Variants in AFF3 observed in about 807,000 individuals in gnomAD.
The protein encoded by AFF3 is ALF transcription elongation factor 3, also known as AF4/FMR2 family member 3.
A neutral mutation model predicts 129.7 loss-of-function variants in AFF3; 32 were observed. The ratio of observed to expected loss-of-function variants is 0.25; its 90% CI spans 0.19 to 0.33. The LOEUF is 0.33. AFF3 is among the 10% of genes least tolerant of loss of function. AFF3 has a pLI of 1.00. For missense variants in AFF3, 1,373 were observed against 1,592.0 expected, an observed-to-expected ratio of 0.86 and a Z score of 2.34; for synonymous variants, 644 against 635.4, an observed-to-expected ratio of 1.01 and a Z score of -0.20.
At chr2:99,914,048 G>A (rs1695285282) in intron 7 of AFF3, among the ~76,000 whole-genome samples, 2 of 152,126 alleles carry the variant, frequency 1.3e-5, no homozygotes, top group Admixed American at 6.5e-5. Context: ...TAAAAGTAAT[G>A]TCTGAGAGCT....
chr2:99,816,527 T>C (rs1687246940), intron 8 of AFF3, among the ~76,000 whole-genome samples: 1 of 152,154 alleles, frequency 6.6e-6, no homozygotes, highest in Non-Finnish European at 1.5e-5. Flanking sequence ...AGGTTTCTGT[T>C]AATGTGGTCA....
chr2:99,789,847 T>C lies in AFF3; in HGVS notation c.922-37546A>G, dbSNP rs115367018. Reference sequence around the variant, plus strand: ...GTGGCATAAGCGCAAGCTCTGCAAATTAAAAGATGGCTACAAAATGATCTT... The same window carrying C: ...GTGGCATAAGCGCAAGCTCTGCAAACTAAAAGATGGCTACAAAATGATCTT... On this transcript the variant is annotated intron_variant, in intron 8 of 24. Transcript: ENST00000672756. Among the ~76,000 whole-genome samples, 616 of 152,292 alleles carry C rather than the reference T, an allele frequency of 4.0e-3. 5 individuals are homozygous for C. The highest frequency in any genetic ancestry group is 0.014 in the African/African-American group (576 of 41,560).
At chr2:100,029,675 A>G (rs12996621) in intron 4 of AFF3, among the ~76,000 whole-genome samples, 23,201 of 152,170 alleles carry the variant, frequency 0.15, 2,054 homozygotes, top group East Asian at 0.29. Context: ...GGAAAACAGC[A>G]TTTGTTGTTT....
intron 7 of AFF3, among the ~76,000 whole-genome samples, chr2:99,890,133 A>G (rs1693439243): frequency 6.6e-6 from 1 of 152,202 alleles, no homozygotes; most frequent in Non-Finnish European, 1.5e-5. Context: ...TGAATTTGGT[A>G]CATGTACCAG....
chr2:100,120,833 T>C (rs1009946633), intron 2 of AFF3, among the ~76,000 whole-genome samples: 11 of 152,076 alleles, frequency 7.2e-5, no homozygotes, highest in African/African-American at 2.4e-4. Flanking sequence ...GATGGGAGTC[T>C]CCCTATGTTG....
intron 8 of AFF3, among the ~76,000 whole-genome samples, chr2:99,810,128 T>A (rs954072637): frequency 3.3e-5 from 5 of 152,206 alleles, no homozygotes; most frequent in African/African-American, 1.2e-4. Flanking sequence ...GGACCAGTGA[T>A]TTTTACTCAG....
At chr2:99,660,149 C>A (rs1434385096) in intron 12 of AFF3, among the ~76,000 whole-genome samples, 1 of 152,178 alleles carries the variant, frequency 6.6e-6, no homozygotes, top group African/African-American at 2.4e-5. Flanking sequence ...CAATATGATG[C>A]TTTGGTAGAG....
chr2:99,753,336 G>A (rs1681825082), intron 8 of AFF3, among the ~76,000 whole-genome samples: 1 of 152,136 alleles, frequency 6.6e-6, no homozygotes, highest in South Asian at 2.1e-4. Context: ...CTGACCTCGG[G>A]TGACCCGCCC....
chr2:99,903,949 A>G (rs1301291923), intron 7 of AFF3, among the ~76,000 whole-genome samples: 1 of 152,202 alleles, frequency 6.6e-6, no homozygotes, highest in African/African-American at 2.4e-5. Flanking sequence ...AGAGAATTTA[A>G]TAACATCTCA....
intron 11 of AFF3, chr2:99,707,440 T>G: frequency 1.0e-6 from 1 of 985,376 alleles, no homozygotes; most frequent in African/African-American, 1.7e-5. Context: ...ATCAGATAAT[T>G]TTTTTGCATT....
At chr2:99,734,253 A>G (rs1447738275) in intron 10 of AFF3, among the ~76,000 whole-genome samples, 1 of 152,022 alleles carries the variant, frequency 6.6e-6, no homozygotes, top group Non-Finnish European at 1.5e-5. Context: ...TTGTGTATAC[A>G]GCAATCTTGC....
intron 7 of AFF3, among the ~76,000 whole-genome samples, chr2:99,885,519 C>T (rs1288648518): frequency 2.0e-5 from 3 of 152,134 alleles, no homozygotes; most frequent in Admixed American, 6.5e-5. Context: ...TTTTCTTGTT[C>T]CTACTTTCAA....
At chr2:99,839,527 T>C (rs2105804009) in intron 7 of AFF3, among the ~76,000 whole-genome samples, 1 of 152,314 alleles carries the variant, frequency 6.6e-6, no homozygotes, top group Middle Eastern at 3.4e-3. Flanking sequence ...ATACTTGCTA[T>C]TTTACTCTAC....
intron 11 of AFF3, among the ~76,000 whole-genome samples, chr2:99,673,404 G>A (rs374847856): frequency 1.6e-4 from 25 of 152,216 alleles, no homozygotes; most frequent in African/African-American, 5.5e-4. Flanking sequence ...GGGGAAGCAC[G>A]AGGTTAAAAG....
At chr2:99,761,682 T>C (rs1682609844) in intron 8 of AFF3, among the ~76,000 whole-genome samples, 1 of 152,214 alleles carries the variant, frequency 6.6e-6, no homozygotes, top group African/African-American at 2.4e-5. Context: ...TAGCTTACAA[T>C]AGGTTCAACT....
At chr2:100,070,095 A>C (rs1002922862) in intron 4 of AFF3, among the ~76,000 whole-genome samples, 2 of 152,216 alleles carry the variant, frequency 1.3e-5, no homozygotes, top group African/African-American at 4.8e-5. Flanking sequence ...ATACTCCCAG[A>C]CAGAAAGGAA....
At chr2:99,708,453 A>T (rs751010554) in intron 11 of AFF3, among the ~76,000 whole-genome samples, 2 of 152,204 alleles carry the variant, frequency 1.3e-5, no homozygotes, top group African/African-American at 2.4e-5. Flanking sequence ...ACTCGGTGTC[A>T]GGCCAGGCCA....
At chr2:99,605,277 T>C (rs529843687) in intron 13 of AFF3, among the ~76,000 whole-genome samples, 1 of 152,306 alleles carries the variant, frequency 6.6e-6, no homozygotes, top group Non-Finnish European at 1.5e-5. Context: ...AGAGTTTAGG[T>C]TTTTCTTCAT....
intron 4 of AFF3, among the ~76,000 whole-genome samples, chr2:100,035,269 T>A (rs1356011337): frequency 6.6e-6 from 1 of 152,214 alleles, no homozygotes; most frequent in Non-Finnish European, 1.5e-5. Flanking sequence ...TTCACTCAAG[T>A]ATTAGCATCC....
Sources: gnomAD v4.1 joint callset for allele counts (sites outside exome capture counted in the v4.1 genomes callset) on GRCh38, gnomAD v4.1.1 for gene constraint, MANE v1.5 for transcripts, NCBI Gene and HGNC (gene_info 2026-07-23, HGNC 2026-07-21) for gene names.